ACTR8: variants seen among roughly 807,000 people sequenced by gnomAD.
ACTR8 encodes actin related protein 8, also known as actin-related protein 8.
ACTR8 carries 70 observed loss-of-function variants against 84.3 expected under a neutral mutation model. The observed-to-expected ratio is 0.83, with a 90% CI of 0.68 to 1.01. The LOEUF (loss-of-function observed/expected upper bound fraction) is 1.01. ACTR8 is among the 50% of genes least tolerant of loss of function. The pLI is 0.00. For synonymous variants in ACTR8, 268 were observed against 275.2 expected (o/e 0.97, Z 0.26); for missense variants, 672 against 775.4 (o/e 0.87, Z 1.58).
Position 53,878,355 on chromosome 3 carries a change from A to AC in ACTR8, c.405+1dup. The AC allele has an allele frequency of 6.3e-7, 1 of 1,592,968 alleles. No individual in the cohort carries two copies. The highest frequency in any genetic ancestry group is 8.6e-7 in the Non-Finnish European group (1 of 1,161,632). On this transcript the variant is annotated splice_donor_variant, in intron 3 of 12. Coordinates refer to ENST00000335754, the MANE Select transcript of ACTR8 (RefSeq NM_022899.5). LOFTEE classifies it high-confidence loss of function. ...AGAATAAATCTGAAGAGTTAATCGA[A>AC]CCTGTTCAGGGGACACAGGAATGCG...
chr3:53,880,116 A>T lies in ACTR8; in HGVS notation c.124-7T>A. On this transcript the variant is annotated splice_polypyrimidine_tract_variant and splice_region_variant and intron_variant, in intron 1 of 12. Coordinates refer to ENST00000335754, the MANE Select transcript of ACTR8 (RefSeq NM_022899.5). Reference sequence around the variant, plus strand: ...TGAAGTTGCTCTGGATTTGCTGCAGATATAAAACATAGATGTGTGACTTTG... The same window carrying T: ...TGAAGTTGCTCTGGATTTGCTGCAGTTATAAAACATAGATGTGTGACTTTG... 6.2e-7 allele frequency: 1 copy of T among 1,612,290 alleles called. No homozygotes were observed. Among genetic ancestry groups the T allele is most frequent in the Non-Finnish European group, 8.5e-7 (1 of 1,178,472 alleles).
At chr3:53,875,907 G>C in intron 7 of ACTR8, 41 bp downstream of exon 7, 1 of 1,612,668 alleles carries the variant, frequency 6.2e-7, no homozygotes, top group African/African-American at 1.3e-5. Context: ...CAGATTATGA[G>C]GGAAGAGGAA....
At chr3:53,864,185 AG>A (rs1295420724), downstream of ACTR8, among the ~76,000 whole-genome samples, 6 of 152,170 alleles carry the variant, frequency 3.9e-5, no homozygotes, top group Non-Finnish European at 8.8e-5. Context: ...CTTGGTTGAG[AG>A]GATTGTTTTA....
Position 53,877,653 on chromosome 3 carries a change from T to C in ACTR8, c.504A>G (p.Gly168=). The change falls in exon 4 of 13, where the codon GGA becomes GGG. Residue 168 remains glycine, a synonymous_variant. Transcript: ENST00000335754. ...NTSHHPEYLV[G]EEALYVNPLD... ...TTGTAAAGAAGTTTCTTACCTCTTCTCCTACTAAATACTCAGGGTGATGAG... is the reference window on the plus strand; with the variant it reads ...TTGTAAAGAAGTTTCTTACCTCTTCCCCTACTAAATACTCAGGGTGATGAG... 1 of 1,612,614 alleles carries C rather than the reference T, an allele frequency of 6.2e-7. No individual in the cohort carries two copies. Among genetic ancestry groups the C allele is most frequent in the Non-Finnish European group, 8.5e-7 (1 of 1,179,020 alleles).
rs963992993 is a variant in ACTR8 at position 53,877,516 on chromosome 3, G to A, written c.511-129C>T. On this transcript the variant is annotated intron_variant, in intron 4 of 12. Coordinates refer to ENST00000335754, the MANE Select transcript of ACTR8 (RefSeq NM_022899.5). Reference sequence around the variant, plus strand: ...TGTTGAGAGTGAAGTAGGAGTCGGTGTGACTATCTGGTACTCAAAGCAGGG... The same window carrying A: ...TGTTGAGAGTGAAGTAGGAGTCGGTATGACTATCTGGTACTCAAAGCAGGG... The A allele has an allele frequency of 3.2e-5, 41 of 1,287,462 alleles. No homozygotes were observed. In the Admixed American group the frequency reaches 1.0e-3, roughly 32 times the overall value. 79.8% of individuals were successfully genotyped at this position (1,287,462 alleles called of 1,614,324 possible).
the ACTR8 span, chr3:53,859,417 T>TA: frequency 2.6e-5 from 4 of 152,350 alleles, no homozygotes; most frequent in African/African-American, 9.7e-5. Flanking sequence ...CGCAGCCAAA[T>TA]AAAGTGAAGA....
chr3:53,868,787 T>G lies in ACTR8; in HGVS notation c.1807A>C (p.Ile603Leu). 1 of 1,614,226 alleles carries G rather than the reference T, an allele frequency of 6.2e-7. No individual in the cohort carries two copies. Among genetic ancestry groups the G allele is most frequent in the Admixed American group, 1.7e-5 (1 of 60,030 alleles). The stretch of plus-strand genomic sequence containing the variant: ...AAGCGCTGCCACTCTCGCTGATAAA[T>G]CCACAGTTCCTGTGTTGTATCCAAA... ...ACLDTTQELWIYQREWQRFGV... is the reference protein window; with the variant it reads ...ACLDTTQELWLYQREWQRFGV... The change falls in exon 13 of 13, where the codon ATT becomes CTT. Residue 603 changes from isoleucine (I) to leucine (L), a missense_variant. By Grantham distance (5) the Ile-to-Leu change is conservative. Coordinates refer to ENST00000335754, the MANE Select transcript of ACTR8 (RefSeq NM_022899.5).
chr3:53,869,024 G>A (rs1186259150), intron 12 of ACTR8, among the ~76,000 whole-genome samples, 162 bp from the exon 13 acceptor site: 1 of 152,268 alleles, frequency 6.6e-6, no homozygotes, highest in Non-Finnish European at 1.5e-5. Flanking sequence ...GCTCACGCCT[G>A]TAACCCCAGC....
rs1699932990 is a variant in ACTR8, at chr3:53,874,214, A to T, written c.1062T>A (p.Asp354Glu). Residue 354 changes from aspartate (D) to glutamate (E), a missense_variant, in exon 8 of 13, where the codon GAT (aspartate) becomes GAA (glutamate). By Grantham distance (45) the Asp-to-Glu change is conservative (BLOSUM62 2). Transcript: ENST00000335754. The part of the protein sequence containing the change: ...QHLKETFCHL[D>E]QDISGLQDHE... ...GCAATATTGATTCTGCTCCCACCTG[A>T]TCTAAATGACAAAAAGTTTCTTTAA... The T allele has an allele frequency of 2.5e-6, 4 of 1,612,808 alleles. No individual in the cohort carries two copies. Among genetic ancestry groups the T allele is most frequent in the African/African-American group, 1.3e-5 (1 of 74,830 alleles).
At position 53,870,020 on chromosome 3, in the gene ACTR8, G is replaced by T; in HGVS notation, c.1693C>A (p.Arg565=). 3.1e-6 allele frequency: 5 copies of T among 1,614,090 alleles called. No individual in the cohort carries two copies. Among genetic ancestry groups the T allele is most frequent in the Middle Eastern group, 1.6e-4 (1 of 6,062 alleles). Residue 565 remains arginine (R), a synonymous_variant, in exon 12 of 13, where the codon CGA becomes AGA. Coordinates refer to ENST00000335754, the MANE Select transcript of ACTR8 (RefSeq NM_022899.5). The surrounding 1 kb of genome is among the most constrained non-coding windows in gnomAD (Gnocchi z 4.1). ...ILNKMPPSFR[R]IIENVDVITR... ...ATCACATCCACATTTTCAATAATTC[G>T]CCTGAAGGATGGTGGCATTTTGTTG...
intron 1 of ACTR8, 110 bp downstream of exon 1, chr3:53,881,869 G>C (rs967034449): frequency 6.7e-7 from 1 of 1,503,642 alleles, no homozygotes; most frequent in African/African-American, 1.4e-5. Context: ...CCCCCACCAG[G>C]GGCTGGGGCC....
intron 7 of ACTR8, 140 bp from the exon 8 acceptor site, chr3:53,874,504 C>A: frequency 1.3e-6 from 1 of 795,390 alleles, no homozygotes; most frequent in South Asian, 2.2e-5. Context: ...ATGAGCAGAT[C>A]ACTTGAGGCC....
At chr3:53,881,670 G>A in intron 1 of ACTR8, 1 of 480,776 alleles carries the variant, frequency 2.1e-6, no homozygotes, top group Non-Finnish European at 3.8e-6. Context: ...TATCACCGTG[G>A]TCGTTTTATG....
At chr3:53,881,221 C>G (rs192279854) in intron 1 of ACTR8, among the ~76,000 whole-genome samples, 3 of 152,318 alleles carry the variant, frequency 2.0e-5, no homozygotes, top group Admixed American at 2.0e-4. Flanking sequence ...GGTAAGGAAG[C>G]TGGATCAGAG....
At chr3:53,872,139 C>T (rs1487996853) in intron 10 of ACTR8, among the ~76,000 whole-genome samples, 1 of 152,194 alleles carries the variant, frequency 6.6e-6, no homozygotes, top group Non-Finnish European at 1.5e-5. Context: ...AAATGATATA[C>T]ACCAAAAGGA....
At chr3:53,874,385 T>G in intron 7 of ACTR8, 21 bp from the exon 8 acceptor site, 1 of 1,608,272 alleles carries the variant, frequency 6.2e-7, no homozygotes, top group Non-Finnish European at 8.5e-7. Flanking sequence ...GAGAAAAGGG[T>G]AGATGGTTAA....
chr3:53,870,209 C>T lies in ACTR8; in HGVS notation c.1568-64G>A. ...ACATCCATAATTCTAGGCCAAGCCA[C>T]CAACACCTCTTGCTTGAGCAAGTGC... On this transcript the variant is annotated intron_variant, in intron 11 of 12. Coordinates refer to ENST00000335754, the MANE Select transcript of ACTR8 (RefSeq NM_022899.5). This position sits in a 1 kb window ranked among gnomAD's most constrained non-coding sequence, Gnocchi z 4.1. The T allele has an allele frequency of 1.3e-6, 2 of 1,572,102 alleles. No homozygotes were observed.
the ACTR8 span, chr3:53,860,351 G>T: frequency 1.4e-6 from 1 of 691,008 alleles, no homozygotes; most frequent in Non-Finnish European, 2.5e-6. Context: ...TAGCATTTAT[G>T]TAATACCTTC....
downstream of ACTR8, among the ~76,000 whole-genome samples, chr3:53,863,833 T>G (rs2107032947): frequency 6.6e-6 from 1 of 151,804 alleles, no homozygotes; most frequent in African/African-American, 2.4e-5. Flanking sequence ...TTTTTTTTTT[T>G]TTTTTTTGAG....
Sources: gnomAD v4.1 joint callset for allele counts (sites outside exome capture counted in the v4.1 genomes callset) on GRCh38, gnomAD v4.1.1 for gene constraint, Gnocchi (gnomAD v3.1) non-coding constraint, MANE v1.5 for transcripts, NCBI Gene and HGNC (gene_info 2026-07-23, HGNC 2026-07-21) for gene names.